Variants in ASIC2 observed in about 807,000 individuals in gnomAD.
ASIC2 encodes acid sensing ion channel subunit 2.
A neutral mutation model predicts 57.3 loss-of-function variants in ASIC2; 25 were observed. The observed-to-expected ratio is 0.44, with a 90% CI of 0.32 to 0.61. The LOEUF is 0.61. ASIC2 is among the 20% of genes least tolerant of loss of function. The probability of loss-of-function intolerance (pLI) is 0.06; values close to 1 mark genes in which losing one functional copy is unlikely to be tolerated. For synonymous variants in ASIC2, 319 were observed against 307.5 expected (o/e 1.04, Z -0.39); for missense variants, 641 against 738.1 (o/e 0.87, Z 1.52).
chr17:33,529,047 A>G (rs1914971420), intron 1 of ASIC2, among the ~76,000 whole-genome samples: 1 of 152,196 alleles, frequency 6.6e-6, no homozygotes, highest in African/African-American at 2.4e-5. Flanking sequence ...GTTCAGGAGG[A>G]AAGAATAATA....
chr17:33,997,172 C>A (rs1490492032), intron 1 of ASIC2, among the ~76,000 whole-genome samples: 1 of 151,762 alleles, frequency 6.6e-6, no homozygotes, highest in African/African-American at 2.4e-5. Context: ...GACAGTTTCT[C>A]ACTTTGTCAC....
At chr17:33,775,550 G>A (rs563896252) in intron 1 of ASIC2, among the ~76,000 whole-genome samples, 1 of 152,306 alleles carries the variant, frequency 6.6e-6, no homozygotes, top group African/African-American at 2.4e-5. Flanking sequence ...AATCTGTGTG[G>A]GAGTTAAGCA....
chr17:34,053,522 T>C (rs1597996130), intron 1 of ASIC2, among the ~76,000 whole-genome samples: 1 of 152,254 alleles, frequency 6.6e-6, no homozygotes, highest in Admixed American at 6.5e-5. Flanking sequence ...AAGATATTAA[T>C]AATAGGTGAC....
chr17:33,134,823 G>T (rs947258970), intron 1 of ASIC2, among the ~76,000 whole-genome samples: 11 of 152,162 alleles, frequency 7.2e-5, no homozygotes, highest in Non-Finnish European at 1.3e-4. Flanking sequence ...TGCCCCAAAG[G>T]TTGCTCCACA....
At chr17:33,348,524 G>T (rs1908039457) in intron 1 of ASIC2, among the ~76,000 whole-genome samples, 1 of 152,200 alleles carries the variant, frequency 6.6e-6, no homozygotes, top group African/African-American at 2.4e-5. Context: ...TTCAGGGAAG[G>T]GTGGTAGTTG....
At chr17:34,072,791 T>C (rs1399628247) in intron 1 of ASIC2, among the ~76,000 whole-genome samples, 3 of 152,242 alleles carry the variant, frequency 2.0e-5, no homozygotes, top group Non-Finnish European at 4.4e-5. Context: ...ATTTGTTACA[T>C]AGCAATACAT....
intron 1 of ASIC2, among the ~76,000 whole-genome samples, chr17:34,093,107 T>C (rs756401275): frequency 6.6e-6 from 1 of 152,236 alleles, no homozygotes; most frequent in Non-Finnish European, 1.5e-5. Context: ...TTCTTGTTAA[T>C]AGGTAATAGA....
At chr17:34,126,365 C>T (rs905036279) in intron 1 of ASIC2, among the ~76,000 whole-genome samples, 13 of 152,212 alleles carry the variant, frequency 8.5e-5, no homozygotes, top group African/African-American at 2.9e-4. Context: ...TATCCCACAG[C>T]CTGGGGTGGT....
chr17:33,777,025 T>A (rs1911302940), intron 1 of ASIC2, among the ~76,000 whole-genome samples: 1 of 152,128 alleles, frequency 6.6e-6, no homozygotes, highest in East Asian at 1.9e-4. Context: ...ACCAAGCCGA[T>A]GTCTGCCTCT....
intron 1 of ASIC2, among the ~76,000 whole-genome samples, chr17:33,897,403 A>G (rs570616514): frequency 6.6e-6 from 1 of 152,358 alleles, no homozygotes; most frequent in Admixed American, 6.5e-5. Context: ...TGCACTGTTC[A>G]AGGACAAAGA....
At chr17:33,184,504 T>C (rs1243285603) in intron 1 of ASIC2, among the ~76,000 whole-genome samples, 1 of 152,188 alleles carries the variant, frequency 6.6e-6, no homozygotes, top group Non-Finnish European at 1.5e-5. Context: ...TGTACCAGAC[T>C]CTGGGTCCTC....
chr17:33,364,155 CA>C, intron 1 of ASIC2, among the ~76,000 whole-genome samples: 1 of 152,266 alleles, frequency 6.6e-6, no homozygotes, highest in South Asian at 2.1e-4. Flanking sequence ...GCTCTTTCTG[CA>C]GCACCTTCTT....
chr17:33,941,440 C>T (rs544883604), intron 1 of ASIC2, among the ~76,000 whole-genome samples: 2 of 152,318 alleles, frequency 1.3e-5, no homozygotes, highest in East Asian at 1.9e-4. Flanking sequence ...AAAGGAACCC[C>T]ACCTTATCCA....
intron 1 of ASIC2, among the ~76,000 whole-genome samples, chr17:33,478,343 C>A (rs528747173): frequency 6.6e-6 from 1 of 152,324 alleles, no homozygotes; most frequent in South Asian, 2.1e-4. Flanking sequence ...TTTAACTTCC[C>A]TTTATTTTTC....
intron 1 of ASIC2, among the ~76,000 whole-genome samples, chr17:33,188,525 G>T (rs1445414214): frequency 6.6e-6 from 1 of 152,010 alleles, no homozygotes; most frequent in Non-Finnish European, 1.5e-5. Flanking sequence ...AAACCAAATT[G>T]CTGAAAAGTA....
At chr17:33,157,375 T>G (rs1219694730) in intron 1 of ASIC2, among the ~76,000 whole-genome samples, 2 of 152,192 alleles carry the variant, frequency 1.3e-5, no homozygotes, top group Non-Finnish European at 2.9e-5. Context: ...TACAGATGAA[T>G]AAACCGAGGC....
At chr17:34,030,817 C>A (rs923074316) in intron 1 of ASIC2, among the ~76,000 whole-genome samples, 1 of 152,164 alleles carries the variant, frequency 6.6e-6, no homozygotes, top group Non-Finnish European at 1.5e-5. Flanking sequence ...GAGGGGCACC[C>A]GCAATTGCCC....
At chr17:33,496,317 C>T (rs377356248) in intron 1 of ASIC2, among the ~76,000 whole-genome samples, 43 of 152,270 alleles carry the variant, frequency 2.8e-4, no homozygotes, top group African/African-American at 1.0e-3. Flanking sequence ...AATAGTGGCC[C>T]CTTCTCTGCT....
intron 1 of ASIC2, among the ~76,000 whole-genome samples, chr17:33,962,127 G>A (rs532790085): frequency 2.6e-5 from 4 of 152,260 alleles, no homozygotes; most frequent in South Asian, 2.1e-4. Flanking sequence ...CCAGTTCTGT[G>A]GGCCTGCCAA....
Sources: allele counts gnomAD v4.1 joint callset (sites outside exome capture counted in the v4.1 genomes callset), GRCh38; gene constraint gnomAD v4.1.1; transcripts MANE v1.5; gene names NCBI Gene and HGNC (gene_info 2026-07-23, HGNC 2026-07-21).